The following ARSB variants were observed in gnomAD, a reference collection of about 807,000 sequenced individuals.
The protein encoded by ARSB is N-acetylgalactosamine-4-sulfatase.
In ARSB, 41 loss-of-function variants were observed where a neutral mutation model predicts 50.9. The observed-to-expected ratio is 0.81, with a 90% CI of 0.63 to 1.04. ARSB has a LOEUF of 1.04. ARSB is among the 50% of genes least tolerant of loss of function. The probability of loss-of-function intolerance (pLI) is 0.00; values close to 1 mark genes in which losing one functional copy is unlikely to be tolerated. For synonymous variants in ARSB, 269 were observed against 284.8 expected (o/e 0.94, Z 0.56); for missense variants, 672 against 693.3 (o/e 0.97, Z 0.35).
At chr5:78,910,547 A>T (rs1749263614) in intron 4 of ARSB, among the ~76,000 whole-genome samples, 2 of 152,268 alleles carry the variant, frequency 1.3e-5, no homozygotes, top group Non-Finnish European at 2.9e-5. Flanking sequence ...CAGTGTAAAA[A>T]TAAGAGAGAT....
intron 5 of ARSB, chr5:78,883,427 A>T (rs1047876082): frequency 5.9e-5 from 9 of 152,232 alleles, no homozygotes; most frequent in African/African-American, 2.2e-4. Flanking sequence ...TTCAGGCAAG[A>T]ATAAGAGGGA....
intron 6 of ARSB, among the ~76,000 whole-genome samples, chr5:78,794,249 C>T (rs537395209): frequency 6.6e-6 from 1 of 151,976 alleles, no homozygotes; most frequent in Non-Finnish European, 1.5e-5. Flanking sequence ...GGGCTTGCGG[C>T]TCTGTTAAAA....
intron 5 of ARSB, among the ~76,000 whole-genome samples, chr5:78,875,190 T>G (rs1298818243): frequency 2.6e-5 from 4 of 151,900 alleles, no homozygotes; most frequent in Admixed American, 2.6e-4. Flanking sequence ...ACAACTGAAA[T>G]AAACTAGAAA....
intron 6 of ARSB, among the ~76,000 whole-genome samples, chr5:78,835,775 C>G (rs73122697): frequency 0.025 from 3,862 of 152,220 alleles, 117 homozygotes; most frequent in South Asian, 0.11. Flanking sequence ...ACACTGAAGC[C>G]AGAGGGACCT....
chr5:78,872,473 A>G (rs1747253735), intron 5 of ARSB, among the ~76,000 whole-genome samples: 1 of 132,586 alleles, frequency 7.5e-6, no homozygotes, highest in Non-Finnish European at 1.6e-5. Flanking sequence ...ACACCATGGA[A>G]TACTATGCAG....
intron 6 of ARSB, among the ~76,000 whole-genome samples, chr5:78,806,752 T>C (rs755570656): frequency 6.6e-6 from 1 of 152,230 alleles, no homozygotes; most frequent in Non-Finnish European, 1.5e-5. Flanking sequence ...CGATTACTCA[T>C]AGGCCCTCTG....
chr5:78,948,264 G>A (rs1356315395), intron 4 of ARSB, among the ~76,000 whole-genome samples: 1 of 152,046 alleles, frequency 6.6e-6, no homozygotes, highest in Admixed American at 6.6e-5. Flanking sequence ...ATAATTTATT[G>A]TACATTTTTA....
At chr5:78,873,889 G>A (rs1197733845) in intron 5 of ARSB, among the ~76,000 whole-genome samples, 3 of 152,060 alleles carry the variant, frequency 2.0e-5, no homozygotes, top group Non-Finnish European at 2.9e-5. Context: ...GACACAGTAG[G>A]GTCACCTTTG....
At chr5:78,848,045 A>T (rs13155460) in intron 5 of ARSB, among the ~76,000 whole-genome samples, 3 of 150,528 alleles carry the variant, frequency 2.0e-5, no homozygotes, top group African/African-American at 7.3e-5. Context: ...TTTAGCGTGA[A>T]TTTTTTTATT....
intron 4 of ARSB, among the ~76,000 whole-genome samples, chr5:78,948,880 A>G (rs1751371176): frequency 1.3e-5 from 2 of 152,222 alleles, no homozygotes; most frequent in African/African-American, 4.8e-5. Flanking sequence ...GTACAAAAGA[A>G]TCACCTGAAT....
chr5:78,881,972 T>C (rs56120175), intron 5 of ARSB, among the ~76,000 whole-genome samples: 44,469 of 152,192 alleles, frequency 0.29, 7,053 homozygotes, highest in Middle Eastern at 0.41. Context: ...GACAGCCATA[T>C]AGAAACATGA....
chr5:78,793,587 C>G (rs376332640), intron 6 of ARSB, among the ~76,000 whole-genome samples: 7 of 152,338 alleles, frequency 4.6e-5, no homozygotes, highest in East Asian at 1.9e-4. Context: ...AGTAAGGAGA[C>G]AGCAGAGAGC....
rs758475088 is a variant in ARSB at position 78,846,074 on chromosome 5, A to G, written c.1143-6648T>C. On this transcript the variant is annotated intron_variant, in intron 5 of 7. Transcript: ENST00000264914. ...GATTTTTATATATGGTGAGAGATAC[A>G]GGTTTGGTTTCATTTTTATGCATGT... Among the ~76,000 whole-genome samples the G allele has an allele frequency of 4.7e-4, 72 of 152,074 alleles. 1 individual carries two copies. The highest frequency in any genetic ancestry group is 2.0e-4 in the Admixed American group (3 of 15,264).
intron 6 of ARSB, among the ~76,000 whole-genome samples, chr5:78,828,288 T>C (rs963198543): frequency 6.6e-6 from 1 of 152,072 alleles, no homozygotes; most frequent in African/African-American, 2.4e-5. Context: ...CACCCCCCCA[T>C]CTATTATTTG....
At chr5:78,792,425 G>A (rs1228658260) in intron 6 of ARSB, among the ~76,000 whole-genome samples, 4 of 151,544 alleles carry the variant, frequency 2.6e-5, no homozygotes, top group Non-Finnish European at 4.4e-5. Context: ...CCTGGGCCAC[G>A]TGCAGCCCGT....
At chr5:78,926,414 G>A (rs1315570496) in intron 4 of ARSB, among the ~76,000 whole-genome samples, 1 of 151,936 alleles carries the variant, frequency 6.6e-6, no homozygotes, top group Non-Finnish European at 1.5e-5. Flanking sequence ...TGGAGGTATG[G>A]ACTATAAGAA....
intron 6 of ARSB, among the ~76,000 whole-genome samples, chr5:78,802,322 T>C (rs1005767258): frequency 1.3e-5 from 2 of 150,776 alleles, no homozygotes; most frequent in Admixed American, 1.3e-4. Flanking sequence ...ATTTAAATTA[T>C]ATTTGTTAAA....
intron 4 of ARSB, among the ~76,000 whole-genome samples, chr5:78,910,127 A>G (rs1322637467): frequency 6.6e-6 from 1 of 152,288 alleles, no homozygotes; most frequent in South Asian, 2.1e-4. Flanking sequence ...CCTTCTCCCC[A>G]CTATCACCCT....
At chr5:78,902,612 C>G (rs948580528) in intron 4 of ARSB, among the ~76,000 whole-genome samples, 4 of 152,138 alleles carry the variant, frequency 2.6e-5, no homozygotes, top group Admixed American at 1.3e-4. Flanking sequence ...CTGATTTATG[C>G]TACAAAATGG....
Sources: allele counts gnomAD v4.1 joint callset (sites outside exome capture counted in the v4.1 genomes callset), GRCh38; gene constraint gnomAD v4.1.1; transcripts MANE v1.5; gene names NCBI Gene and HGNC (gene_info 2026-07-23, HGNC 2026-07-21).